DOCK4: variants seen among roughly 807,000 people sequenced by gnomAD.
DOCK4 encodes dedicator of cytokinesis 4, also known as dedicator of cytokinesis protein 4.
In DOCK4, 97 loss-of-function variants were observed where a neutral mutation model predicts 268.1. That is an observed-to-expected ratio of 0.36 (90% confidence interval 0.31 to 0.43). The LOEUF (loss-of-function observed/expected upper bound fraction) is 0.43. Ranked by LOEUF, DOCK4 falls within the 20% of genes least tolerant of loss-of-function variation. The pLI, the probability that DOCK4 is intolerant of heterozygous loss-of-function variation, is 1.00. For missense variants in DOCK4, 2,145 were observed against 2,455.7 expected, an observed-to-expected ratio of 0.87 and a Z score of 2.67; for synonymous variants, 954 against 887.2, an observed-to-expected ratio of 1.08 and a Z score of -1.34.
intron 27 of DOCK4, chr7:111,820,385 A>C (rs543323182): frequency 1.3e-5 from 2 of 152,386 alleles, no homozygotes; most frequent in African/African-American, 2.4e-5. Context: ...AAGTCACCAC[A>C]TTTAGCAAAG....
chr7:112,030,931 A>C (rs975020748), intron 1 of DOCK4, among the ~76,000 whole-genome samples: 2 of 152,236 alleles, frequency 1.3e-5, no homozygotes, highest in African/African-American at 4.8e-5. Flanking sequence ...AATGTAGGAC[A>C]AGGATGATGC....
intron 1 of DOCK4, among the ~76,000 whole-genome samples, chr7:112,114,904 G>A (rs1015103409): frequency 6.6e-6 from 1 of 152,154 alleles, no homozygotes; most frequent in Non-Finnish European, 1.5e-5. Context: ...CAATTATCAT[G>A]AAAATAATTT....
chr7:111,976,159 A>ATATATATATATAT (rs60579240), intron 8 of DOCK4, among the ~76,000 whole-genome samples: 1 of 70,156 alleles, frequency 1.4e-5, no homozygotes, highest in Non-Finnish European at 2.5e-5. Flanking sequence ...AAAAAAAAAA[A>ATATATATATATAT]AAATATATAT....
chr7:112,141,812 G>A (rs1814961992), intron 1 of DOCK4, among the ~76,000 whole-genome samples: 1 of 152,176 alleles, frequency 6.6e-6, no homozygotes, highest in Admixed American at 6.5e-5. Context: ...CAGAGGACAT[G>A]AGAGTGTTTT....
intron 13 of DOCK4, among the ~76,000 whole-genome samples, chr7:111,911,549 T>G (rs1023425460): frequency 6.6e-6 from 1 of 152,152 alleles, no homozygotes; most frequent in Admixed American, 6.5e-5. Flanking sequence ...GACACATGTC[T>G]GAAAGAACAA....
intron 1 of DOCK4, among the ~76,000 whole-genome samples, chr7:112,098,593 AAATTAAGT>A (rs1358953242): frequency 6.7e-6 from 1 of 149,702 alleles, no homozygotes; most frequent in Admixed American, 6.7e-5. Context: ...AAGATTATGT[AAATTAAGT>A]AATTAAGTAA....
chr7:111,978,163 A>G (rs1197231612), intron 7 of DOCK4, among the ~76,000 whole-genome samples: 1 of 152,228 alleles, frequency 6.6e-6, no homozygotes, highest in East Asian at 1.9e-4. Context: ...GGAAGCAGAC[A>G]TGAACAAAAT....
intron 1 of DOCK4, among the ~76,000 whole-genome samples, chr7:112,181,424 C>T (rs1199399818): frequency 2.6e-5 from 4 of 151,946 alleles, no homozygotes; most frequent in Non-Finnish European, 4.4e-5. Context: ...GAGGCTAAGG[C>T]AGGAGGATGG....
intron 6 of DOCK4, among the ~76,000 whole-genome samples, chr7:111,988,721 G>C (rs1038701079): frequency 1.3e-5 from 2 of 152,280 alleles, no homozygotes; most frequent in African/African-American, 4.8e-5. Context: ...ATCCATTTTA[G>C]TCAGACGCCA....
intron 1 of DOCK4, among the ~76,000 whole-genome samples, chr7:112,048,389 C>CAAAAAAAAAAAAAA (rs59810546): frequency 1.4e-5 from 1 of 72,128 alleles, no homozygotes; most frequent in Non-Finnish European, 3.3e-5. Context: ...ACTAAAAATA[C>CAAAAAAAAAAAAAA]AAAAAAAAAA....
chr7:111,732,536 A>G (rs985844479), intron 51 of DOCK4: 6 of 538,408 alleles, frequency 1.1e-5, no homozygotes, highest in African/African-American at 7.6e-5. Flanking sequence ...TGCTTTGACT[A>G]TTGACAGGTT....
chr7:112,074,994 T>G (rs1400774935), intron 1 of DOCK4, among the ~76,000 whole-genome samples: 1 of 152,226 alleles, frequency 6.6e-6, no homozygotes, highest in Non-Finnish European at 1.5e-5. Context: ...CCTTGTCAGT[T>G]GCCTAAGTAT....
chr7:111,765,048 C>T (rs1797682538), intron 39 of DOCK4, 70 bp downstream of exon 39: 1 of 700,348 alleles, frequency 1.4e-6, no homozygotes, highest in South Asian at 2.9e-5. Context: ...ATGTCATTAA[C>T]ATCTTAGTTT....
At chr7:111,809,023 C>T (rs1453738316) in intron 29 of DOCK4, 144 bp from the exon 30 acceptor site, 2 of 905,486 alleles carry the variant, frequency 2.2e-6, no homozygotes, top group South Asian at 3.4e-5. Flanking sequence ...GTCACGATGC[C>T]TCTAAGTCAA....
chr7:111,888,861 A>G (rs1047910098), intron 16 of DOCK4, among the ~76,000 whole-genome samples: 4 of 152,100 alleles, frequency 2.6e-5, no homozygotes, highest in African/African-American at 9.7e-5. Flanking sequence ...AGGGTGGCGA[A>G]AGAGTATCTC....
intron 8 of DOCK4, among the ~76,000 whole-genome samples, chr7:111,952,452 T>C (rs1340746591): frequency 2.0e-5 from 3 of 152,160 alleles, no homozygotes; most frequent in East Asian, 3.9e-4. Context: ...AAGGCCAATA[T>C]CAAAAATTTT....
chr7:111,837,239 G>T (rs1349335161), intron 25 of DOCK4, among the ~76,000 whole-genome samples: 2 of 151,562 alleles, frequency 1.3e-5, no homozygotes, highest in African/African-American at 4.9e-5. Context: ...CAGCTTCAGA[G>T]AACTAAAAGG....
intron 36 of DOCK4, among the ~76,000 whole-genome samples, chr7:111,772,803 A>G (rs1798207110): frequency 6.6e-6 from 1 of 152,152 alleles, no homozygotes; most frequent in South Asian, 2.1e-4. Flanking sequence ...TCTCAAAAAC[A>G]AAAACAAAAC....
intron 8 of DOCK4, among the ~76,000 whole-genome samples, chr7:111,953,411 C>T (rs1293007806): frequency 1.3e-5 from 2 of 152,122 alleles, no homozygotes; most frequent in South Asian, 2.1e-4. Flanking sequence ...CAATAGAATA[C>T]AAACGTAAGG....
Sources: allele counts gnomAD v4.1 joint callset (sites outside exome capture counted in the v4.1 genomes callset), GRCh38; gene constraint gnomAD v4.1.1; transcripts MANE v1.5; gene names NCBI Gene and HGNC (gene_info 2026-07-23, HGNC 2026-07-21).